The following STX8 variants were observed in gnomAD, a reference collection of about 807,000 sequenced individuals.
STX8 encodes syntaxin-8.
STX8 carries 23 observed loss-of-function variants against 37.5 expected under a neutral mutation model. That is an observed-to-expected ratio of 0.61 (90% CI 0.44 to 0.87). The LOEUF is 0.87. Among genes scored for constraint, STX8 ranks in the 40% least tolerant of loss-of-function variants. The pLI is 0.00. For synonymous variants in STX8, 115 were observed against 99.1 expected, an observed-to-expected ratio of 1.16 and a Z score of -0.95; for missense variants, 313 against 284.7, an observed-to-expected ratio of 1.10 and a Z score of -0.71.
At chr17:9,423,918 G>A (rs143374701) in intron 6 of STX8, among the ~76,000 whole-genome samples, 2 of 152,244 alleles carry the variant, frequency 1.3e-5, no homozygotes, top group African/African-American at 4.8e-5. Flanking sequence ...GTCAGCCACA[G>A]GACACTGCAA....
intron 1 of STX8, among the ~76,000 whole-genome samples, chr17:9,570,402 G>A (rs1769367677): frequency 6.6e-6 from 1 of 151,744 alleles, no homozygotes; most frequent in African/African-American, 2.4e-5. Flanking sequence ...CACCATTCAT[G>A]TATATATCAT....
chr17:9,494,171 A>G (rs77145579), intron 5 of STX8, among the ~76,000 whole-genome samples: 26,470 of 150,982 alleles, frequency 0.18, 2,486 homozygotes, highest in South Asian at 0.24. Flanking sequence ...GCCCGCCACC[A>G]CGCCCGGCTA....
chr17:9,286,114 C>T (rs1238668945), intron 7 of STX8, among the ~76,000 whole-genome samples: 2 of 152,156 alleles, frequency 1.3e-5, no homozygotes, highest in African/African-American at 2.4e-5. Flanking sequence ...AGTCAGTCTA[C>T]GTTTGATCCA....
intron 7 of STX8, among the ~76,000 whole-genome samples, chr17:9,306,517 A>G (rs1480064386): frequency 6.7e-6 from 1 of 148,874 alleles, no homozygotes; most frequent in Non-Finnish European, 1.5e-5. Context: ...TGGGAGACTG[A>G]GGTGGGTGGA....
intron 5 of STX8, 140 bp downstream of exon 5, chr17:9,504,898 C>T (rs1025048573): frequency 1.6e-5 from 13 of 794,298 alleles, no homozygotes; most frequent in Non-Finnish European, 2.0e-5. Context: ...CGTTTGAACC[C>T]GGGAGGTGGA....
intron 5 of STX8, among the ~76,000 whole-genome samples, chr17:9,496,223 C>T (rs572243369): frequency 3.2e-4 from 48 of 152,162 alleles, no homozygotes; most frequent in Non-Finnish European, 5.1e-4. Flanking sequence ...TTACAGGCAT[C>T]CACCACAATG....
intron 6 of STX8, among the ~76,000 whole-genome samples, chr17:9,433,209 T>C (rs1470769644): frequency 6.6e-6 from 1 of 152,238 alleles, no homozygotes; most frequent in Non-Finnish European, 1.5e-5. Context: ...AGACAAGGCA[T>C]ACGCCTGGAC....
At chr17:9,500,427 G>A (rs2142492417) in intron 5 of STX8, among the ~76,000 whole-genome samples, 1 of 152,298 alleles carries the variant, frequency 6.6e-6, no homozygotes, top group African/African-American at 2.4e-5. Context: ...GCCATGGTGT[G>A]GGGATGGGAG....
intron 7 of STX8, among the ~76,000 whole-genome samples, chr17:9,366,374 G>A (rs1911229896): frequency 6.6e-6 from 1 of 152,182 alleles, no homozygotes; most frequent in Non-Finnish European, 1.5e-5. Flanking sequence ...TGGGACTACA[G>A]GCATGTACCG....
intron 6 of STX8, among the ~76,000 whole-genome samples, chr17:9,427,628 T>A (rs1222579008): frequency 6.6e-6 from 1 of 152,120 alleles, no homozygotes; most frequent in African/African-American, 2.4e-5. Context: ...TGGCTGTGGC[T>A]GCGGCTGCCT....
At chr17:9,261,873 T>C (rs1359699339) in intron 7 of STX8, among the ~76,000 whole-genome samples, 1 of 152,230 alleles carries the variant, frequency 6.6e-6, no homozygotes, top group Non-Finnish European at 1.5e-5. Context: ...GAAATTCAAG[T>C]GTCTTTGAAA....
intron 7 of STX8, among the ~76,000 whole-genome samples, chr17:9,354,477 A>T (rs533147815): frequency 2.0e-5 from 3 of 151,930 alleles, no homozygotes; most frequent in Non-Finnish European, 2.9e-5. Context: ...CCGTGCCAAC[A>T]TGCCTGGCTA....
At chr17:9,426,820 G>A (rs1597664151) in intron 6 of STX8, among the ~76,000 whole-genome samples, 1 of 152,062 alleles carries the variant, frequency 6.6e-6, no homozygotes, top group East Asian at 1.9e-4. Context: ...GATTTTCAGA[G>A]GTTTTACACT....
chr17:9,278,142 C>T (rs9915637), intron 7 of STX8, among the ~76,000 whole-genome samples: 73,722 of 151,892 alleles, frequency 0.49, 18,789 homozygotes, highest in Admixed American at 0.59. Context: ...GCAGTGGAGA[C>T]AGAGGGATTG....
chr17:9,551,897 G>T (rs1456312661), intron 3 of STX8, among the ~76,000 whole-genome samples: 2 of 151,844 alleles, frequency 1.3e-5, no homozygotes, highest in Non-Finnish European at 2.9e-5. Flanking sequence ...AAACTAGGGG[G>T]GGGTGTAACT....
Position 9,260,141 on chromosome 17 carries a change from C to T in STX8, c.644-9496G>A, listed in dbSNP as rs546277325. Among the ~76,000 whole-genome samples the T allele has an allele frequency of 9.2e-5, 14 of 151,866 alleles. No individual in the cohort carries two copies. The East Asian group carries it at 2.1e-3, about 23-fold the overall frequency. ...CAAGAATAAAGCCTGGGCAACAATGCGAGATCCCACCTCTACAAAGAGTAT... is the reference window on the plus strand; with the variant it reads ...CAAGAATAAAGCCTGGGCAACAATGTGAGATCCCACCTCTACAAAGAGTAT... On this transcript the variant is annotated intron_variant, in intron 7 of 7. Coordinates refer to ENST00000306357, the MANE Select transcript of STX8 (RefSeq NM_004853.3).
At chr17:9,556,823 T>A (rs1442408525) in intron 3 of STX8, 1 of 141,942 alleles carries the variant, frequency 7.0e-6, no homozygotes, top group Non-Finnish European at 1.5e-5. Flanking sequence ...ATATATATTT[T>A]AACACTTGGT....
At chr17:9,391,623 T>G (rs1912222571) in intron 6 of STX8, among the ~76,000 whole-genome samples, 1 of 151,050 alleles carries the variant, frequency 6.6e-6, no homozygotes, top group South Asian at 2.1e-4. Flanking sequence ...GAATATACTG[T>G]TAACTTTTCT....
chr17:9,481,451 G>GACA (rs1724552562), intron 6 of STX8, among the ~76,000 whole-genome samples: 1 of 152,138 alleles, frequency 6.6e-6, no homozygotes, highest in Non-Finnish European at 1.5e-5. Flanking sequence ...TGTAGCATCA[G>GACA]ACAACATCAC....
Sources: allele counts gnomAD v4.1 joint callset (sites outside exome capture counted in the v4.1 genomes callset), GRCh38; gene constraint gnomAD v4.1.1; transcripts MANE v1.5; gene names NCBI Gene and HGNC (gene_info 2026-07-23, HGNC 2026-07-21).